CSMD1: variants seen among roughly 807,000 people sequenced by gnomAD.
The protein encoded by CSMD1 is CUB and sushi domain-containing protein 1.
CSMD1 carries 213 observed loss-of-function variants against 417.5 expected under a neutral mutation model. The observed-to-expected ratio is 0.51, with a 90% CI of 0.46 to 0.57. CSMD1 has a LOEUF of 0.57. CSMD1 is among the 20% of genes least tolerant of loss of function. The pLI is 0.00. For synonymous variants in CSMD1, 2,862 were observed against 1,736.8 expected, an observed-to-expected ratio of 1.65 and a Z score of -16.11; for missense variants, 6,923 against 4,529.7, an observed-to-expected ratio of 1.53 and a Z score of -15.17.
At chr8:4,603,930 T>TA (rs1800730893) in intron 2 of CSMD1, among the ~76,000 whole-genome samples, 1 of 152,160 alleles carries the variant, frequency 6.6e-6, no homozygotes, top group Admixed American at 6.5e-5. Context: ...ATTGTATTTG[T>TA]AAATGATCAC....
intron 5 of CSMD1, among the ~76,000 whole-genome samples, chr8:3,780,132 T>A (rs1348354349): frequency 6.6e-6 from 1 of 152,214 alleles, no homozygotes; most frequent in East Asian, 1.9e-4. Flanking sequence ...GATATAAACC[T>A]GTGCCATCGG....
chr8:4,133,495 C>G (rs1329547198), intron 3 of CSMD1, among the ~76,000 whole-genome samples: 1 of 152,158 alleles, frequency 6.6e-6, no homozygotes, highest in Non-Finnish European at 1.5e-5. Context: ...GAAGAAAAGC[C>G]TGCCCTGCAA....
chr8:3,109,885 C>G (rs1304537640), intron 43 of CSMD1, among the ~76,000 whole-genome samples: 1 of 151,820 alleles, frequency 6.6e-6, no homozygotes, highest in Non-Finnish European at 1.5e-5. Context: ...CACCCATACC[C>G]AACCCAACCC....
chr8:4,893,213 T>G (rs147494047), intron 1 of CSMD1, among the ~76,000 whole-genome samples: 2 of 152,290 alleles, frequency 1.3e-5, no homozygotes, highest in East Asian at 3.9e-4. Context: ...ATAGTTGTAT[T>G]GGTATCTGAA....
intron 3 of CSMD1, among the ~76,000 whole-genome samples, chr8:4,053,115 T>C (rs748614999): frequency 1.3e-5 from 2 of 152,160 alleles, no homozygotes; most frequent in South Asian, 4.1e-4. Context: ...GAGGACCCCT[T>C]GCCCAGGAAG....
chr8:4,159,330 G>T (rs551472547), intron 3 of CSMD1, among the ~76,000 whole-genome samples: 1 of 152,102 alleles, frequency 6.6e-6, no homozygotes, highest in Non-Finnish European at 1.5e-5. Flanking sequence ...TCCATTATTA[G>T]TACTCAAATG....
chr8:3,738,600 T>C (rs532461176), intron 6 of CSMD1, among the ~76,000 whole-genome samples: 1 of 152,258 alleles, frequency 6.6e-6, no homozygotes, highest in South Asian at 2.1e-4. Context: ...GCAAACATCC[T>C]CAGGTGGCAG....
At chr8:4,085,715 A>G (rs552565378) in intron 3 of CSMD1, among the ~76,000 whole-genome samples, 1 of 152,208 alleles carries the variant, frequency 6.6e-6, no homozygotes, top group Admixed American at 6.5e-5. Flanking sequence ...TTAATAAAAC[A>G]TTCTGGAAAT....
intron 6 of CSMD1, among the ~76,000 whole-genome samples, chr8:3,751,116 GA>G (rs35383341): frequency 6.6e-6 from 1 of 151,728 alleles, no homozygotes; most frequent in Non-Finnish European, 1.5e-5. Flanking sequence ...ATGTGGTAAT[GA>G]AAAAAAGGTA....
intron 23 of CSMD1, among the ~76,000 whole-genome samples, chr8:3,330,691 C>T (rs1316361500): frequency 6.6e-6 from 1 of 152,016 alleles, no homozygotes; most frequent in Non-Finnish European, 1.5e-5. Context: ...ACAACAAACC[C>T]CCGTGACATG....
intron 7 of CSMD1, among the ~76,000 whole-genome samples, chr8:3,659,854 ACTT>A (rs1351178430): frequency 1.3e-5 from 2 of 152,206 alleles, no homozygotes; most frequent in African/African-American, 2.4e-5. Flanking sequence ...TACAATTTCA[ACTT>A]CTTTAGAGAA....
At chr8:3,172,821 C>G (rs970987904) in intron 37 of CSMD1, among the ~76,000 whole-genome samples, 2 of 152,168 alleles carry the variant, frequency 1.3e-5, no homozygotes, top group African/African-American at 4.8e-5. Context: ...CATTGAAACC[C>G]TTTCCCACAT....
intron 48 of CSMD1, among the ~76,000 whole-genome samples, 163 bp downstream of exon 48, chr8:3,091,353 G>C (rs866406453): frequency 5.1e-4 from 78 of 151,954 alleles, no homozygotes; most frequent in South Asian, 1.0e-3. Flanking sequence ...GTAGTTTAGA[G>C]GAATCATTCA....
chr8:4,556,434 A>G (rs1798090600), intron 2 of CSMD1, among the ~76,000 whole-genome samples: 1 of 152,160 alleles, frequency 6.6e-6, no homozygotes, highest in Non-Finnish European at 1.5e-5. Context: ...GGTACAGAGG[A>G]CATATCGCAT....
intron 7 of CSMD1, among the ~76,000 whole-genome samples, chr8:3,703,373 G>A (rs766792684): frequency 2.6e-5 from 4 of 151,152 alleles, no homozygotes; most frequent in African/African-American, 4.9e-5. Flanking sequence ...CATCAGATTA[G>A]GAGGCATAAA....
intron 10 of CSMD1, among the ~76,000 whole-genome samples, chr8:3,550,498 A>C (rs1193405284): frequency 6.6e-6 from 1 of 152,152 alleles, no homozygotes; most frequent in Non-Finnish European, 1.5e-5. Flanking sequence ...GTGCACAGTA[A>C]TGTTTCCATA....
chr8:3,786,581 C>G (rs1489268912), intron 5 of CSMD1, among the ~76,000 whole-genome samples: 2 of 152,106 alleles, frequency 1.3e-5, no homozygotes, highest in East Asian at 1.9e-4. Context: ...CTAGGATGGA[C>G]AGGAAAATCG....
At chr8:3,813,607 C>A (rs1801207271) in intron 5 of CSMD1, among the ~76,000 whole-genome samples, 1 of 152,110 alleles carries the variant, frequency 6.6e-6, no homozygotes, top group African/African-American at 2.4e-5. Flanking sequence ...AAAAGAAATT[C>A]TTCAAACTGC....
intron 3 of CSMD1, among the ~76,000 whole-genome samples, chr8:4,263,712 G>T (rs1251416699): frequency 6.6e-6 from 1 of 151,994 alleles, no homozygotes. Context: ...CATCTTACTG[G>T]CAACAATAAT....
Sources: gnomAD v4.1 joint callset for allele counts (sites outside exome capture counted in the v4.1 genomes callset) on GRCh38, gnomAD v4.1.1 for gene constraint, MANE v1.5 for transcripts, NCBI Gene and HGNC (gene_info 2026-07-23, HGNC 2026-07-21) for gene names.